ASTN2: variants seen among roughly 807,000 people sequenced by gnomAD.
The protein encoded by ASTN2 is astrotactin-2.
A neutral mutation model predicts 139.8 loss-of-function variants in ASTN2; 54 were observed. The ratio of observed to expected loss-of-function variants is 0.39; its 90% CI spans 0.31 to 0.48. The LOEUF is 0.48. ASTN2 is among the 20% of genes least tolerant of loss of function. ASTN2 has a pLI of 0.95. For missense variants in ASTN2, 1,565 were observed against 1,725.1 expected, an observed-to-expected ratio of 0.91 and a Z score of 1.64; for synonymous variants, 756 against 719.5, an observed-to-expected ratio of 1.05 and a Z score of -0.81.
chr9:116,572,006 G>A (rs933806447), intron 19 of ASTN2, among the ~76,000 whole-genome samples: 2 of 152,118 alleles, frequency 1.3e-5, no homozygotes, highest in African/African-American at 4.8e-5. Flanking sequence ...TCATTTGTGA[G>A]TCTGCACCCT....
chr9:117,088,636 A>G (rs138467777), intron 5 of ASTN2, among the ~76,000 whole-genome samples: 12 of 152,328 alleles, frequency 7.9e-5, no homozygotes, highest in Admixed American at 2.6e-4. Flanking sequence ...GGAATTGCCA[A>G]ATTAAAACAA....
intron 13 of ASTN2, among the ~76,000 whole-genome samples, chr9:116,748,701 C>T (rs556530685): frequency 6.6e-6 from 1 of 152,270 alleles, no homozygotes; most frequent in South Asian, 2.1e-4. Context: ...GTGAAGGCGA[C>T]TGACTCTCCC....
chr9:117,214,501 T>A lies in ASTN2; in HGVS notation c.872A>T (p.Asp291Val), dbSNP rs200270101. The A allele has an allele frequency of 8.7e-5, 140 of 1,614,154 alleles. No individual in the cohort carries two copies. The East Asian group carries it at 3.0e-3, about 35-fold the overall frequency. The change falls in exon 3 of 23, where the codon GAT (aspartate) becomes GTT (valine). Residue 291 changes from aspartate to valine, a missense_variant. Physicochemically the swap from Asp to Val is radical, Grantham distance 152 (BLOSUM62 -3). Around this residue, in one of 4 missense-constraint regions of ASTN2, gnomAD observed 596 missense variants for 576.8 expected, o/e 1.03. Coordinates refer to ENST00000313400, the MANE Select transcript of ASTN2 (RefSeq NM_001365068.1). The part of the protein sequence containing the change: ...GVPIRETPIL[D>V]DYDCEEDEEP... ...CTCATCCTCCTCACAGTCATAGTCA[T>A]CCAGGATGGGAGTCTCCCGGATGGG...
At chr9:117,229,974 G>A (rs544799906) in intron 2 of ASTN2, among the ~76,000 whole-genome samples, 2 of 152,006 alleles carry the variant, frequency 1.3e-5, no homozygotes, top group Admixed American at 1.3e-4. Flanking sequence ...CACGAGGGTA[G>A]GAGATTGAGA....
chr9:116,553,381 G>A (rs1371183872), intron 19 of ASTN2, among the ~76,000 whole-genome samples: 1 of 152,154 alleles, frequency 6.6e-6, no homozygotes, highest in African/African-American at 2.4e-5. Context: ...TGGCCCAGTG[G>A]TCACTGCTTG....
intron 10 of ASTN2, among the ~76,000 whole-genome samples, chr9:116,881,956 C>T (rs1186499769): frequency 1.3e-5 from 2 of 152,102 alleles, no homozygotes; most frequent in African/African-American, 4.8e-5. Flanking sequence ...GTGAAAATCA[C>T]AAGGTAATTA....
intron 10 of ASTN2, among the ~76,000 whole-genome samples, chr9:116,877,530 A>G (rs536133556): frequency 1.2e-4 from 19 of 152,338 alleles, no homozygotes; most frequent in African/African-American, 4.3e-4. Flanking sequence ...ACTGTGATAG[A>G]TGCTTTAAAA....
chr9:117,355,055 T>C lies in ASTN2; in HGVS notation c.442+59442A>G, dbSNP rs75900723. Among the ~76,000 whole-genome samples, 87 of 152,346 alleles carry C rather than the reference T, an allele frequency of 5.7e-4. 1 individual carries two copies. In the East Asian group the frequency reaches 0.016, roughly 28 times the overall value. On this transcript the variant is annotated intron_variant, in intron 1 of 22. Transcript: ENST00000313400. ...AGTCCTTACCCAGTGTATATTTCTT[T>C]AATATGAACACCTTATTAAAATGAA...
At chr9:116,895,330 C>A (rs2132395206) in intron 10 of ASTN2, among the ~76,000 whole-genome samples, 1 of 152,252 alleles carries the variant, frequency 6.6e-6, no homozygotes, top group East Asian at 1.9e-4. Context: ...TATGTCTATG[C>A]AAATATTCCA....
intron 4 of ASTN2, among the ~76,000 whole-genome samples, chr9:117,120,881 T>C (rs1302095702): frequency 2.0e-5 from 3 of 152,216 alleles, no homozygotes; most frequent in Non-Finnish European, 4.4e-5. Context: ...TTCACCAGTC[T>C]TGTCCCTTCA....
rs1554717134 is a variant in ASTN2 at position 116,586,837 on chromosome 9, C to CACAT, written c.3355+31486_3355+31487insATGT. Among the ~76,000 whole-genome samples the CACAT allele has an allele frequency of 7.3e-3, 1,090 of 149,292 alleles. 16 individuals are homozygous for CACAT. The highest frequency in any genetic ancestry group is 0.026 in the African/African-American group (1,040 of 40,506). ...TCACACACACACACATACATACACACACACACACACACACACACACACACG... is the reference window on the plus strand; with the variant it reads ...TCACACACACACACATACATACACACACATACACACACACACACACACACACACG... On this transcript the variant is annotated intron_variant, in intron 19 of 22. Transcript: ENST00000313400.
chr9:116,997,409 C>T (rs2132562313), intron 7 of ASTN2, among the ~76,000 whole-genome samples: 1 of 152,310 alleles, frequency 6.6e-6, no homozygotes, highest in South Asian at 2.1e-4. Flanking sequence ...CCCATACATG[C>T]TGTCACAGTT....
chr9:117,335,219 C>A (rs548101037), intron 1 of ASTN2, among the ~76,000 whole-genome samples: 1 of 152,148 alleles, frequency 6.6e-6, no homozygotes, highest in Admixed American at 6.5e-5. Context: ...TCTTTAAGCT[C>A]TAAAAGGACC....
Position 116,668,971 on chromosome 9 carries a change from C to T in ASTN2, c.2807-17178G>A, listed in dbSNP as rs572945731. Among the ~76,000 whole-genome samples the T allele has an allele frequency of 3.0e-4, 46 of 152,160 alleles. No homozygotes were observed. The South Asian group carries it at 7.5e-3, about 25-fold the overall frequency. The stretch of plus-strand genomic sequence containing the variant: ...TAAAACAGGGCTAGGGCAGAAGCAG[C>T]TTTCCATAATATGTACCCAACAAAG... On this transcript the variant is annotated intron_variant, in intron 16 of 22. Coordinates refer to ENST00000313400, the MANE Select transcript of ASTN2 (RefSeq NM_001365068.1).
At chr9:117,079,522 G>T (rs971716206) in intron 5 of ASTN2, among the ~76,000 whole-genome samples, 3 of 152,186 alleles carry the variant, frequency 2.0e-5, no homozygotes, top group African/African-American at 7.2e-5. Context: ...GATACAAGGG[G>T]AAAGAGCCCT....
chr9:116,737,989 G>T (rs1020325613), intron 13 of ASTN2, among the ~76,000 whole-genome samples: 2 of 150,104 alleles, frequency 1.3e-5, no homozygotes, highest in African/African-American at 4.9e-5. Flanking sequence ...TCAGGAGATC[G>T]AGACCATCCT....
At position 116,863,579 on chromosome 9, in the gene ASTN2, T is replaced by G. The variant is rs1832948608; in HGVS notation, c.2040+4A>C. On this transcript the variant is annotated splice_donor_region_variant and intron_variant, in intron 11 of 22. Transcript: ENST00000313400. Reference sequence around the variant, plus strand: ...GCCATGTTCCCGGGCCAATGGGCACTTACCACACATCCCGAGGAATCCACC... The same window carrying G: ...GCCATGTTCCCGGGCCAATGGGCACGTACCACACATCCCGAGGAATCCACC... 8.1e-6 allele frequency: 13 copies of G among 1,613,866 alleles called. No individual in the cohort carries two copies. The highest frequency in any genetic ancestry group is 2.7e-5 in the African/African-American group (2 of 75,042).
At chr9:116,650,072 C>A (rs924641512) in intron 17 of ASTN2, among the ~76,000 whole-genome samples, 14 of 152,100 alleles carry the variant, frequency 9.2e-5, no homozygotes, top group Non-Finnish European at 1.9e-4. Flanking sequence ...AGCACTTAGC[C>A]AAGAAGTATG....
intron 19 of ASTN2, among the ~76,000 whole-genome samples, chr9:116,533,426 C>A (rs968085765): frequency 6.6e-6 from 1 of 152,158 alleles, no homozygotes; most frequent in African/African-American, 2.4e-5. Flanking sequence ...AGAGGGTATC[C>A]CTGTCTTGTG....
Sources: allele counts gnomAD v4.1 joint callset (sites outside exome capture counted in the v4.1 genomes callset), GRCh38; gene constraint gnomAD v4.1.1; regional missense constraint gnomAD v4.1.1; transcripts MANE v1.5; gene names NCBI Gene and HGNC (gene_info 2026-07-23, HGNC 2026-07-21).